Variants in NEDD4 observed in about 807,000 individuals in gnomAD.
NEDD4 encodes E3 ubiquitin-protein ligase NEDD4.
Under a neutral mutation model 144.9 loss-of-function variants are expected in NEDD4, and 99 were observed. That is an observed-to-expected ratio of 0.68 (90% CI 0.58 to 0.81). The LOEUF (loss-of-function observed/expected upper bound fraction) is 0.81, where lower values mean the gene tolerates loss of function less well. NEDD4 is among the 30% of genes least tolerant of loss of function. NEDD4 has a pLI of 0.00. For missense variants in NEDD4, 985 were observed against 1,065.9 expected (o/e 0.92, Z 1.06); for synonymous variants, 318 against 350.6 (o/e 0.91, Z 1.04).
At position 55,951,388 on chromosome 15, in the gene NEDD4, T is replaced by G; in HGVS notation, c.225A>C (p.Glu75Asp). Residue 75 changes from glutamate (E) to aspartate (D), a missense_variant, in exon 4 of 29, where the codon GAA becomes GAC. Physicochemically the swap from Glu to Asp is conservative, Grantham distance 45. Coordinates refer to ENST00000435532, the MANE Select transcript of NEDD4 (RefSeq NM_006154.4). ...KKSLNPKWNE[E>D]ILFRVHPQQH... ...AATATATACTTACTCTGAATAATAT[T>G]TCTTCATTCCACTTTGGATTCAAAC... 1 of 985,028 alleles carries G rather than the reference T, an allele frequency of 1.0e-6. No homozygotes were observed. The highest frequency in any genetic ancestry group is 1.5e-6 in the Non-Finnish European group (1 of 670,180). 61.0% of individuals were successfully genotyped at this position (985,028 alleles called of 1,614,324 possible).
chr15:55,915,658 T>C, intron 5 of NEDD4: 2 of 1,613,838 alleles, frequency 1.2e-6, no homozygotes, highest in Non-Finnish European at 1.7e-6. Context: ...CCATTTGTTG[T>C]TTCACAGTCT....
At chr15:55,854,962 G>A (rs572269005) in intron 12 of NEDD4, among the ~76,000 whole-genome samples, 80 of 152,298 alleles carry the variant, frequency 5.3e-4, no homozygotes, top group African/African-American at 1.7e-3. Flanking sequence ...ATTATAACGT[G>A]CAGAGGGAAA....
chr15:55,849,573 T>C (rs1345139631), intron 14 of NEDD4, among the ~76,000 whole-genome samples: 1 of 151,982 alleles, frequency 6.6e-6, no homozygotes, highest in Non-Finnish European at 1.5e-5. Flanking sequence ...TGTTCAAGGG[T>C]CGATTAATAT....
At chr15:55,895,318 T>C (rs1380415316) in intron 5 of NEDD4, among the ~76,000 whole-genome samples, 1 of 152,190 alleles carries the variant, frequency 6.6e-6, no homozygotes, top group African/African-American at 2.4e-5. Context: ...ATCTCTGCAG[T>C]TTAAATGAGA....
At chr15:55,940,172 C>T (rs2036969987) in intron 4 of NEDD4, among the ~76,000 whole-genome samples, 1 of 152,138 alleles carries the variant, frequency 6.6e-6, no homozygotes, top group South Asian at 2.1e-4. Context: ...TTCATAGAAG[C>T]AGAGAATAGA....
intron 14 of NEDD4, 33 bp from the exon 15 acceptor site, chr15:55,848,919 C>T (rs771071589): frequency 1.3e-6 from 2 of 1,524,020 alleles, no homozygotes; most frequent in Admixed American, 3.4e-5. Context: ...GAACAATACA[C>T]ACAAATTTTA....
chr15:55,926,604 A>C (rs2036670191), intron 4 of NEDD4, among the ~76,000 whole-genome samples: 1 of 150,688 alleles, frequency 6.6e-6, no homozygotes, highest in Admixed American at 6.6e-5. Context: ...CATCTCTACA[A>C]AAATAACAAA....
intron 5 of NEDD4, among the ~76,000 whole-genome samples, chr15:55,911,818 G>A (rs1420387586): frequency 6.6e-6 from 1 of 152,098 alleles, no homozygotes; most frequent in African/African-American, 2.4e-5. Context: ...GTGAGCCACC[G>A]CGCCCGGCCT....
chr15:55,969,284 G>C (rs1212923146), intron 1 of NEDD4, among the ~76,000 whole-genome samples: 3 of 152,060 alleles, frequency 2.0e-5, no homozygotes, highest in African/African-American at 7.2e-5. Context: ...GCAGTTTAAG[G>C]CTAAGTTTGG....
intron 4 of NEDD4, among the ~76,000 whole-genome samples, chr15:55,946,805 G>A (rs1439860234): frequency 3.9e-5 from 6 of 152,072 alleles, no homozygotes; most frequent in Non-Finnish European, 8.8e-5. Flanking sequence ...ATAACAAACT[G>A]TCTCTCAGAC....
chr15:55,967,516 A>G (rs1357928028), intron 1 of NEDD4, among the ~76,000 whole-genome samples: 11 of 151,516 alleles, frequency 7.3e-5, no homozygotes, highest in Non-Finnish European at 1.5e-5. Context: ...GCGAAACGTT[A>G]CCAATTTGTG....
intron 4 of NEDD4, among the ~76,000 whole-genome samples, chr15:55,929,111 G>A (rs2036731848): frequency 6.6e-6 from 1 of 152,104 alleles, no homozygotes; most frequent in South Asian, 2.1e-4. Context: ...TGATGATGGA[G>A]GGCAGAGGAA....
intron 4 of NEDD4, among the ~76,000 whole-genome samples, chr15:55,947,759 T>G (rs2037149593): frequency 1.3e-5 from 2 of 152,214 alleles, no homozygotes; most frequent in Admixed American, 6.5e-5. Flanking sequence ...CAGCCCTTCA[T>G]GCTAAAAACT....
chr15:55,959,422 G>A (rs1264509435), intron 2 of NEDD4, among the ~76,000 whole-genome samples: 1 of 152,074 alleles, frequency 6.6e-6, no homozygotes, highest in Non-Finnish European at 1.5e-5. Context: ...ACCCACACAT[G>A]GTCTATCTTG....
chr15:55,847,043 G>T lies in NEDD4; in HGVS notation c.1543-9C>A. 2 of 1,568,186 alleles carry T rather than the reference G, an allele frequency of 1.3e-6. No individual in the cohort carries two copies. The highest frequency in any genetic ancestry group is 1.4e-5 in the African/African-American group (1 of 73,152). ...CTGGAGTAGGGCACTGCCTTTAGTT[G>T]GAAATTTTGGAAAAATAAAGAAGTT... is the stretch of plus-strand genomic sequence containing the variant. On this transcript the variant is annotated splice_polypyrimidine_tract_variant and intron_variant, in intron 17 of 28. Transcript: ENST00000435532.
intron 1 of NEDD4, among the ~76,000 whole-genome samples, chr15:55,982,816 A>G (rs1158194590): frequency 6.6e-6 from 1 of 152,174 alleles, no homozygotes; most frequent in Non-Finnish European, 1.5e-5. Flanking sequence ...AATTCCAACA[A>G]ACAGTCAGTA....
chr15:55,832,960 A>G, intron 27 of NEDD4, 48 bp downstream of exon 27: 1 of 1,255,628 alleles, frequency 8.0e-7, no homozygotes, highest in Non-Finnish European at 1.2e-6. Flanking sequence ...CATGAAAAAG[A>G]CAATACGCAT....
intron 5 of NEDD4, among the ~76,000 whole-genome samples, chr15:55,877,375 T>C (rs2035031644): frequency 6.6e-6 from 1 of 152,246 alleles, no homozygotes; most frequent in South Asian, 2.1e-4. Flanking sequence ...ATTTAGATTA[T>C]GCATTTTTTG....
chr15:55,842,981 C>T (rs1048093746), intron 18 of NEDD4, among the ~76,000 whole-genome samples: 1 of 152,168 alleles, frequency 6.6e-6, no homozygotes, highest in Non-Finnish European at 1.5e-5. Flanking sequence ...ATGGGAAGAA[C>T]CTGGTGGGAG....
Sources: allele counts gnomAD v4.1 joint callset (sites outside exome capture counted in the v4.1 genomes callset), GRCh38; gene constraint gnomAD v4.1.1; transcripts MANE v1.5; gene names NCBI Gene and HGNC (gene_info 2026-07-23, HGNC 2026-07-21).